Variants in CDH12 observed in about 807,000 individuals in gnomAD.
CDH12 encodes cadherin-12.
Under a neutral mutation model 74.1 loss-of-function variants are expected in CDH12, and 41 were observed. That is an observed-to-expected ratio of 0.55 (90% confidence interval 0.43 to 0.72). CDH12 has a LOEUF of 0.72. CDH12 is among the 30% of genes least tolerant of loss of function. CDH12 has a pLI of 0.00. For missense variants in CDH12, 945 were observed against 977.2 expected (o/e 0.97, Z 0.44); for synonymous variants, 399 against 355.0 (o/e 1.12, Z -1.39).
At chr5:22,339,429 A>C (rs1739747111) in intron 3 of CDH12, among the ~76,000 whole-genome samples, 1 of 152,194 alleles carries the variant, frequency 6.6e-6, no homozygotes, top group East Asian at 1.9e-4. Context: ...AAAGCACAGT[A>C]AATGTTAGCT....
chr5:22,153,385 A>G lies in CDH12; in HGVS notation c.-187+59113T>C, dbSNP rs182395308. Among the ~76,000 whole-genome samples, 863 of 151,460 alleles carry G rather than the reference A, an allele frequency of 5.7e-3. 7 individuals are homozygous for G. The highest frequency in any genetic ancestry group is 0.017 in the Admixed American group (263 of 15,196). On this transcript the variant is annotated intron_variant, in intron 4 of 14. Coordinates refer to ENST00000382254, the MANE Select transcript of CDH12 (RefSeq NM_004061.5). The stretch of plus-strand genomic sequence containing the variant: ...TGTGATGTTCCTACTCCACTCACTG[A>G]TTTCCCATGTATTATCTAGGGTCTT...
At chr5:21,947,302 G>C (rs891865970) in intron 6 of CDH12, among the ~76,000 whole-genome samples, 1 of 152,146 alleles carries the variant, frequency 6.6e-6, no homozygotes, top group Non-Finnish European at 1.5e-5. Context: ...TCGGGCAGAG[G>C]TTGGAAGTGT....
At chr5:22,428,174 T>G (rs1425932589) in intron 2 of CDH12, among the ~76,000 whole-genome samples, 6 of 141,598 alleles carry the variant, frequency 4.2e-5, no homozygotes, top group Admixed American at 3.8e-4. Context: ...AGATGACAGA[T>G]AGATAGAAAT....
rs1014441841 is a variant in CDH12 at position 22,529,144 on chromosome 5, T to C, written c.-522-23780A>G. 3.0e-5 allele frequency among the ~76,000 whole-genome samples: 4 copies of C among 135,108 alleles called. No homozygotes were observed. The South Asian group carries it at 6.4e-4, about 22-fold the overall frequency. 88.6% of individuals were successfully genotyped at this position (135,108 alleles called of 152,430 possible). On this transcript the variant is annotated intron_variant, in intron 1 of 14. Transcript: ENST00000382254. ...CAAAACATGAATATATGCATATATA[T>C]ACACATATATATACACATGTGTATA...
In CDH12 at chr5:22,563,078, A is replaced by T. The variant is rs987802591; in HGVS notation, c.-522-57714T>A. On this transcript the variant is annotated intron_variant, in intron 1 of 14. Coordinates refer to ENST00000382254, the MANE Select transcript of CDH12 (RefSeq NM_004061.5). The stretch of plus-strand genomic sequence containing the variant: ...TAAATATATATAGATTTATATATTT[A>T]TATATATATATGTAAATTTTTTTCT... Among the ~76,000 whole-genome samples, 298 of 147,240 alleles carry T rather than the reference A, an allele frequency of 2.0e-3. 1 individual carries two copies. Among genetic ancestry groups the T allele is most frequent in the Non-Finnish European group, 3.9e-3 (261 of 66,820 alleles).
chr5:21,754,922 G>A (rs909191017), intron 14 of CDH12, among the ~76,000 whole-genome samples: 3 of 152,152 alleles, frequency 2.0e-5, no homozygotes, highest in Non-Finnish European at 4.4e-5. Flanking sequence ...CACTCTCACA[G>A]AGATATTATA....
At chr5:22,540,229 A>G (rs983507756) in intron 1 of CDH12, among the ~76,000 whole-genome samples, 3 of 152,064 alleles carry the variant, frequency 2.0e-5, no homozygotes, top group South Asian at 4.1e-4. Context: ...ACATATATAT[A>G]TGCATATTTA....
At chr5:21,873,511 T>C (rs1395408011) in intron 6 of CDH12, among the ~76,000 whole-genome samples, 1 of 152,178 alleles carries the variant, frequency 6.6e-6, no homozygotes, top group African/African-American at 2.4e-5. Context: ...CCACAAACTT[T>C]AGTGTCACAG....
At chr5:21,888,519 A>C (rs1347300820) in intron 6 of CDH12, among the ~76,000 whole-genome samples, 2 of 152,148 alleles carry the variant, frequency 1.3e-5, no homozygotes, top group Admixed American at 1.3e-4. Flanking sequence ...GCAGCACACC[A>C]ACATGGTACA....
Position 21,760,602 on chromosome 5 carries a change from G to A in CDH12, c.1589C>T (p.Pro530Leu), listed in dbSNP as rs1428041658. ...AAAATTTGGTTTGATAGCAGCCTCA[G>A]GTGATAATCTAAAGGAGAATTGTTG... Reference protein sequence around the residue: ...AGQQFSFRLSPEAAIKPNFTV... With the variant: ...AGQQFSFRLSLEAAIKPNFTV... The change falls in exon 13 of 15, where the codon CCT becomes CTT. Residue 530 changes from proline (P) to leucine (L), a missense_variant. This residue lies in a region of CDH12 where 791 missense variants were observed against 792.8 expected (regional missense o/e 1.00). Coordinates refer to ENST00000382254, the MANE Select transcript of CDH12 (RefSeq NM_004061.5). 1 of 1,611,274 alleles carries A rather than the reference G, an allele frequency of 6.2e-7. No homozygotes were observed. Among genetic ancestry groups the A allele is most frequent in the Non-Finnish European group, 8.5e-7 (1 of 1,177,832 alleles).
chr5:22,214,730 A>C (rs1751734438), intron 3 of CDH12, among the ~76,000 whole-genome samples: 1 of 152,176 alleles, frequency 6.6e-6, no homozygotes, highest in East Asian at 1.9e-4. Context: ...CACCAACTAA[A>C]ACAGGTGCAC....
At chr5:22,357,008 G>T (rs1740590185) in intron 3 of CDH12, among the ~76,000 whole-genome samples, 1 of 152,060 alleles carries the variant, frequency 6.6e-6, no homozygotes, top group Non-Finnish European at 1.5e-5. Context: ...TTATTTATGT[G>T]TCTCTAGCTA....
intron 9 of CDH12, among the ~76,000 whole-genome samples, chr5:21,805,260 A>T (rs1451200773): frequency 2.0e-5 from 3 of 152,134 alleles, no homozygotes; most frequent in Non-Finnish European, 4.4e-5. Context: ...TCTAGATAAG[A>T]TCTTAATTTT....
chr5:21,766,843 C>A (rs1237296748), intron 11 of CDH12, among the ~76,000 whole-genome samples: 1 of 151,802 alleles, frequency 6.6e-6, no homozygotes, highest in Non-Finnish European at 1.5e-5. Flanking sequence ...TTAGACTTTA[C>A]AGCAACTATG....
chr5:22,408,023 T>G (rs1441637112), intron 2 of CDH12, among the ~76,000 whole-genome samples: 1 of 152,070 alleles, frequency 6.6e-6, no homozygotes, highest in Non-Finnish European at 1.5e-5. Context: ...GTCACTACAT[T>G]CTCAAAATCT....
chr5:22,146,894 T>C (rs1024599782), intron 4 of CDH12, among the ~76,000 whole-genome samples: 42 of 152,170 alleles, frequency 2.8e-4, no homozygotes, highest in African/African-American at 9.2e-4. Context: ...TATTGTCTAT[T>C]TCCACCTGCT....
intron 5 of CDH12, among the ~76,000 whole-genome samples, chr5:21,985,283 C>T (rs1373675863): frequency 2.0e-5 from 3 of 152,122 alleles, no homozygotes; most frequent in Non-Finnish European, 2.9e-5. Flanking sequence ...GTTTTACTAT[C>T]GCTCTTCTTC....
chr5:22,470,296 C>T (rs1476909932), intron 2 of CDH12, among the ~76,000 whole-genome samples: 1 of 151,838 alleles, frequency 6.6e-6, no homozygotes, highest in Non-Finnish European at 1.5e-5. Flanking sequence ...GGTTAGGAAG[C>T]CATTTTCTTA....
chr5:21,965,896 A>C (rs1756560287), intron 6 of CDH12, among the ~76,000 whole-genome samples: 1 of 152,138 alleles, frequency 6.6e-6, no homozygotes, highest in Non-Finnish European at 1.5e-5. Context: ...GTTTTAACTG[A>C]AAATATAAAG....
Sources: gnomAD v4.1 joint callset for allele counts (sites outside exome capture counted in the v4.1 genomes callset) on GRCh38, gnomAD v4.1.1 for gene constraint, gnomAD v4.1.1 regional missense constraint, MANE v1.5 for transcripts, NCBI Gene and HGNC (gene_info 2026-07-23, HGNC 2026-07-21) for gene names.